The following CFAP20DC variants were observed in gnomAD, a reference collection of about 807,000 sequenced individuals.
The protein encoded by CFAP20DC is CFAP20 domain containing.
In CFAP20DC, 84 loss-of-function variants were observed where a neutral mutation model predicts 101.7. That is an observed-to-expected ratio of 0.83 (90% CI 0.69 to 0.99). The LOEUF (loss-of-function observed/expected upper bound fraction) is 0.99, where lower values mean the gene tolerates loss of function less well. Ranked by LOEUF, CFAP20DC falls within the 50% of genes least tolerant of loss-of-function variation. The pLI, the probability that CFAP20DC is intolerant of heterozygous loss-of-function variation, is 0.00. For missense variants in CFAP20DC, 1,007 were observed against 970.3 expected (o/e 1.04, Z -0.50); for synonymous variants, 359 against 351.2 (o/e 1.02, Z -0.25).
chr3:58,935,584 C>T (rs2087445117), intron 5 of CFAP20DC, among the ~76,000 whole-genome samples: 1 of 152,166 alleles, frequency 6.6e-6, no homozygotes, highest in Admixed American at 6.5e-5. Context: ...AGATATAGAT[C>T]AATGGAATAG....
intron 4 of CFAP20DC, among the ~76,000 whole-genome samples, chr3:58,941,477 T>C (rs1451429588): frequency 1.3e-5 from 2 of 152,160 alleles, no homozygotes; most frequent in African/African-American, 2.4e-5. Flanking sequence ...AGTTGTTTTG[T>C]AGATTCCTGA....
intron 3 of CFAP20DC, among the ~76,000 whole-genome samples, chr3:59,041,900 T>C (rs1699422529): frequency 1.3e-5 from 2 of 152,256 alleles, no homozygotes; most frequent in Middle Eastern, 3.4e-3. Context: ...AGGTCTACCA[T>C]GCAACGAAGA....
chr3:58,907,086 T>C (rs1450344154), intron 6 of CFAP20DC, among the ~76,000 whole-genome samples: 1 of 150,148 alleles, frequency 6.7e-6, no homozygotes, highest in African/African-American at 2.5e-5. Context: ...CCTTCCTACT[T>C]TGTGCCTCGT....
chr3:58,737,278 C>T (rs1043013624), downstream of CFAP20DC: 1 of 455,486 alleles, frequency 2.2e-6, no homozygotes, highest in African/African-American at 2.0e-5. The surrounding 1 kb of genome is among the most constrained non-coding windows in gnomAD (Gnocchi z 4.1). Flanking sequence ...CCACTAACCA[C>T]CCCCCACCCC....
In CFAP20DC at chr3:58,912,752, A is replaced by G. The variant is rs2084283405; in HGVS notation, c.550+956T>C. 1 of 456,204 alleles carries G rather than the reference A, an allele frequency of 2.2e-6. No homozygotes were observed. Among genetic ancestry groups the G allele is most frequent in the Non-Finnish European group, 4.4e-6 (1 of 226,828 alleles). The allele number at this position is 456,204 out of a possible 1,614,324, so 28.3% of individuals were successfully genotyped here. A position where few individuals can be genotyped will look rare whatever the true frequency, so the allele number is the denominator to read the frequency against. The stretch of plus-strand genomic sequence containing the variant: ...CAGGGAGCTGAGTTACCTGCAGAGT[A>G]TATTTATAAATCAAATTATGAACAA... On this transcript the variant is annotated intron_variant, in intron 6 of 16. Coordinates refer to ENST00000482387, the MANE Select transcript of CFAP20DC (RefSeq NM_001394063.1). The surrounding 1 kb of genome is among the most constrained non-coding windows in gnomAD (Gnocchi z 4.4).
chr3:58,814,657 A>G (rs2074968614), intron 14 of CFAP20DC, among the ~76,000 whole-genome samples: 1 of 151,092 alleles, frequency 6.6e-6, no homozygotes, highest in Admixed American at 6.6e-5. Flanking sequence ...ACTTCAGCAA[A>G]GTCTCAGGAT....
At chr3:58,948,890 T>C (rs919920654) in intron 4 of CFAP20DC, among the ~76,000 whole-genome samples, 21 of 152,222 alleles carry the variant, frequency 1.4e-4, no homozygotes, top group Non-Finnish European at 2.6e-4. Flanking sequence ...GTACCTCTGG[T>C]AGAATTCGGC....
intron 12 of CFAP20DC, among the ~76,000 whole-genome samples, chr3:58,852,143 T>G (rs922829915): frequency 1.3e-5 from 2 of 152,148 alleles, no homozygotes; most frequent in Admixed American, 6.5e-5. Flanking sequence ...CTGATTGTGC[T>G]TTGTCTTCAG....
At chr3:58,833,218 A>C (rs571280728) in intron 13 of CFAP20DC, among the ~76,000 whole-genome samples, 2 of 152,274 alleles carry the variant, frequency 1.3e-5, no homozygotes, top group South Asian at 4.1e-4. Context: ...AGACTTCCTA[A>C]AAAGTTGCCA....
At chr3:58,934,099 G>A (rs1240954591) in intron 5 of CFAP20DC, among the ~76,000 whole-genome samples, 5 of 152,138 alleles carry the variant, frequency 3.3e-5, no homozygotes, top group South Asian at 2.1e-4. Context: ...TATCACCATC[G>A]ATCCCACAGA....
chr3:58,845,172 C>G (rs1272243733), intron 13 of CFAP20DC, among the ~76,000 whole-genome samples: 1 of 150,900 alleles, frequency 6.6e-6, no homozygotes, highest in East Asian at 1.9e-4. Flanking sequence ...CAGAGCAGAA[C>G]TGAAGGAAAT....
chr3:58,869,235 T>TCTA lies in CFAP20DC; in HGVS notation c.1015+90_1015+92dup. On this transcript the variant is annotated intron_variant, in intron 9 of 16. Coordinates refer to ENST00000482387, the MANE Select transcript of CFAP20DC (RefSeq NM_001394063.1). This position sits in a 1 kb window ranked among gnomAD's most constrained non-coding sequence, Gnocchi z 4.3. ...AAATGACAATTCTCTAGACTTAAGA[T>TCTA]CTAGACTTGAATATAACTGCTGATT... 1 of 1,020,736 alleles carries TCTA rather than the reference T, an allele frequency of 9.8e-7. No individual in the cohort carries two copies. The highest frequency in any genetic ancestry group is 1.4e-6 in the Non-Finnish European group (1 of 706,730). 63.2% of individuals were successfully genotyped at this position (1,020,736 alleles called of 1,614,324 possible). A position where few individuals can be genotyped will look rare whatever the true frequency, so the allele number is the denominator to read the frequency against.
chr3:59,043,878 A>G (rs898339496), intron 3 of CFAP20DC, among the ~76,000 whole-genome samples: 10 of 152,198 alleles, frequency 6.6e-5, no homozygotes, highest in African/African-American at 2.4e-4. Context: ...AAATTGTCAT[A>G]GTTTCATAGT....
rs1201781605 is a variant in CFAP20DC at position 58,806,423 on chromosome 3, T to C, written c.2209A>G (p.Met737Val). 2 of 1,611,914 alleles carry C rather than the reference T, an allele frequency of 1.2e-6. No homozygotes were observed. The highest frequency in any genetic ancestry group is 8.5e-7 in the Non-Finnish European group (1 of 1,178,108). ...VNQGRHYQKE[M>V]NPPSPSNPRD... ...GGATTAGAAGGAGAAGGTGGGTTCA[T>C]TTCTTTCTGATAGTGGCGACCCTGG... is the stretch of plus-strand genomic sequence containing the variant. Residue 737 changes from methionine to valine, a missense_variant, in exon 15 of 17, where the codon ATG becomes GTG. Transcript: ENST00000482387.
intron 4 of CFAP20DC, 108 bp from the exon 5 acceptor site, chr3:58,937,870 G>A: frequency 3.0e-6 from 2 of 667,710 alleles, no homozygotes; most frequent in African/African-American, 1.8e-5. Context: ...CTTTTCAACA[G>A]GAAGATCAAA....
Position 58,869,310 on chromosome 3 carries a change from T to C in CFAP20DC, c.1015+18A>G. The C allele has an allele frequency of 6.3e-7, 1 of 1,592,526 alleles. No individual in the cohort carries two copies. The highest frequency in any genetic ancestry group is 1.1e-5 in the South Asian group (1 of 89,030). On this transcript the variant is annotated intron_variant, in intron 9 of 16. Coordinates refer to ENST00000482387, the MANE Select transcript of CFAP20DC (RefSeq NM_001394063.1). The surrounding 1 kb of genome is among the most constrained non-coding windows in gnomAD (Gnocchi z 4.3). ...TATTTTCACTAGCTATCAATCTTTA[T>C]GCATGATTATTTCTTACCATGAATA...
At chr3:58,931,193 C>A (rs1429732168) in intron 5 of CFAP20DC, among the ~76,000 whole-genome samples, 2 of 152,108 alleles carry the variant, frequency 1.3e-5, no homozygotes. Flanking sequence ...TGAGATCAAA[C>A]TGCAAGGTGG....
At chr3:59,009,454 A>G (rs1047474257) in intron 4 of CFAP20DC, among the ~76,000 whole-genome samples, 1 of 151,560 alleles carries the variant, frequency 6.6e-6, no homozygotes, top group Admixed American at 6.6e-5. Context: ...AACTTTCCAG[A>G]GGAATAAATA....
chr3:58,870,602 G>C (rs1240214890), intron 7 of CFAP20DC, among the ~76,000 whole-genome samples: 4 of 150,624 alleles, frequency 2.7e-5, no homozygotes, highest in African/African-American at 9.7e-5. Flanking sequence ...AAAAAAAAAA[G>C]AAAGGGCCGG....
Sources: gnomAD v4.1 joint callset for allele counts (sites outside exome capture counted in the v4.1 genomes callset) on GRCh38, gnomAD v4.1.1 for gene constraint, Gnocchi (gnomAD v3.1) non-coding constraint, MANE v1.5 for transcripts, NCBI Gene and HGNC (gene_info 2026-07-23, HGNC 2026-07-21) for gene names.